SDK1: variants seen among roughly 807,000 people sequenced by gnomAD.
The protein encoded by SDK1 is sidekick cell adhesion molecule 1, also known as protein sidekick-1.
Under a neutral mutation model 245.5 loss-of-function variants are expected in SDK1, and 157 were observed. The observed-to-expected ratio is 0.64, with a 90% confidence interval of 0.56 to 0.73. SDK1 has a LOEUF of 0.73. SDK1 is among the 30% of genes least tolerant of loss of function. The pLI, the probability that SDK1 is intolerant of heterozygous loss-of-function variation, is 0.00. For missense variants in SDK1, 3,583 were observed against 3,002.3 expected (o/e 1.19, Z -4.52); for synonymous variants, 1,647 against 1,278.5 (o/e 1.29, Z -6.15).
chr7:3,325,601 T>G (rs1779921498), intron 1 of SDK1, among the ~76,000 whole-genome samples: 1 of 152,072 alleles, frequency 6.6e-6, no homozygotes, highest in South Asian at 2.1e-4. Flanking sequence ...AAGTAACCGT[T>G]TCCATCATAG....
chr7:3,761,485 C>T (rs184407511), intron 4 of SDK1, among the ~76,000 whole-genome samples: 1,866 of 149,476 alleles, frequency 0.012, 42 homozygotes, highest in African/African-American at 0.044. Flanking sequence ...ACCCGGGAGG[C>T]GGAGCTTGCA....
intron 4 of SDK1, among the ~76,000 whole-genome samples, chr7:3,743,337 T>G (rs1779529120): frequency 6.6e-6 from 1 of 152,216 alleles, no homozygotes; most frequent in African/African-American, 2.4e-5. Context: ...GGCGGTACAG[T>G]CTTGCTAAGT....
rs1366237329 is a variant in SDK1, at chr7:3,375,278, A to G, written c.298+73394A>G. On this transcript the variant is annotated intron_variant, in intron 1 of 44. Coordinates refer to ENST00000404826, the MANE Select transcript of SDK1 (RefSeq NM_152744.4). ...GTCACAAACTTATGCTAAAGCTGTAATTGTTAAATCAGTATAATACTGACC... is the reference window on the plus strand; with the variant it reads ...GTCACAAACTTATGCTAAAGCTGTAGTTGTTAAATCAGTATAATACTGACC... Among the ~76,000 whole-genome samples, 2 of 152,232 alleles carry G rather than the reference A, an allele frequency of 1.3e-5. 1 individual carries two copies. Among genetic ancestry groups the G allele is most frequent in the African/African-American group, 4.8e-5 (2 of 41,454 alleles).
chr7:3,610,929 G>A (rs1489216572), intron 1 of SDK1, among the ~76,000 whole-genome samples: 3 of 152,224 alleles, frequency 2.0e-5, no homozygotes, highest in Non-Finnish European at 4.4e-5. Context: ...TCCCACACTT[G>A]TTAGTCAGAT....
chr7:3,556,680 G>A (rs1779596502), intron 1 of SDK1, among the ~76,000 whole-genome samples: 1 of 152,062 alleles, frequency 6.6e-6, no homozygotes, highest in Non-Finnish European at 1.5e-5. Context: ...AATTAAGCCA[G>A]GTGTGGTGGT....
rs563181019 is a variant in SDK1 at position 3,334,030 on chromosome 7, A to G, written c.298+32146A>G. The stretch of plus-strand genomic sequence containing the variant: ...TACATCACACTTAGTTTCTCTCCCC[A>G]CTTAGTTCAGTTTCATTCTTAACCC... On this transcript the variant is annotated intron_variant, in intron 1 of 44. Coordinates refer to ENST00000404826, the MANE Select transcript of SDK1 (RefSeq NM_152744.4). Among the ~76,000 whole-genome samples, 330 of 152,094 alleles carry G rather than the reference A, an allele frequency of 2.2e-3. 2 individuals are homozygous for G. Among genetic ancestry groups the G allele is most frequent in the African/African-American group, 7.6e-3 (317 of 41,486 alleles).
chr7:3,669,031 A>G (rs1253201781), intron 4 of SDK1, among the ~76,000 whole-genome samples: 1 of 152,226 alleles, frequency 6.6e-6, no homozygotes, highest in Non-Finnish European at 1.5e-5. Context: ...GGGCTCAAGA[A>G]GTTTACCACT....
At chr7:3,862,675 C>T (rs943180238) in intron 5 of SDK1, among the ~76,000 whole-genome samples, 2 of 152,146 alleles carry the variant, frequency 1.3e-5, no homozygotes, top group African/African-American at 4.8e-5. Flanking sequence ...TTTAATACGT[C>T]AGGCTTTTTC....
chr7:3,478,903 A>T (rs1305221732), intron 1 of SDK1, among the ~76,000 whole-genome samples: 1 of 151,998 alleles, frequency 6.6e-6, no homozygotes, highest in Non-Finnish European at 1.5e-5. Context: ...TTTCATGTAT[A>T]CTTTAGCTTT....
At chr7:3,645,705 C>T (rs1782813571) in intron 4 of SDK1, among the ~76,000 whole-genome samples, 1 of 152,158 alleles carries the variant, frequency 6.6e-6, no homozygotes, top group Admixed American at 6.5e-5. Flanking sequence ...GGGAGGGTAT[C>T]TCTGCATTCC....
At chr7:4,067,980 C>G (rs1034362717) in intron 20 of SDK1, 44 bp downstream of exon 20, 4 of 1,442,160 alleles carry the variant, frequency 2.8e-6, no homozygotes, top group African/African-American at 1.4e-5. Flanking sequence ...TAAGTTTGTC[C>G]TCACAAAAAG....
Position 3,476,615 on chromosome 7 carries a change from T to A in SDK1, c.299-142465T>A, listed in dbSNP as rs575794786. On this transcript the variant is annotated intron_variant, in intron 1 of 44. Coordinates refer to ENST00000404826, the MANE Select transcript of SDK1 (RefSeq NM_152744.4). ...TACCTATGCCATTGTTTTTTGATTC[T>A]GTTAATGGTGGATTTATTTTATATG... Among the ~76,000 whole-genome samples, 55 of 152,382 alleles carry A rather than the reference T, an allele frequency of 3.6e-4. No homozygotes were observed. In the South Asian group the frequency reaches 0.01, roughly 28 times the overall value.
intron 1 of SDK1, among the ~76,000 whole-genome samples, chr7:3,344,103 G>C (rs1020925277): frequency 1.3e-5 from 2 of 150,996 alleles, no homozygotes; most frequent in African/African-American, 2.4e-5. Flanking sequence ...GGAATATTTT[G>C]TACCAAAGCC....
At chr7:4,131,098 G>A (rs686162) in intron 27 of SDK1, among the ~76,000 whole-genome samples, 120,205 of 152,174 alleles carry the variant, frequency 0.79, 47,775 homozygotes, top group East Asian at 0.9. Flanking sequence ...GGGAATGTGG[G>A]TGTTGTTTCC....
At chr7:4,112,911 G>T (rs577979800) in intron 23 of SDK1, among the ~76,000 whole-genome samples, 1 of 152,006 alleles carries the variant, frequency 6.6e-6, no homozygotes, top group South Asian at 2.1e-4. Context: ...CCGCCACCAC[G>T]CCTGGCTAAT....
At chr7:4,006,717 TAAAG>T (rs1394412233) in intron 14 of SDK1, among the ~76,000 whole-genome samples, 1 of 152,290 alleles carries the variant, frequency 6.6e-6, no homozygotes, top group East Asian at 1.9e-4. Flanking sequence ...GGAAAAAGAA[TAAAG>T]AAAGAATTCC....
In SDK1 at chr7:3,559,310, T is replaced by G. The variant is rs181675017; in HGVS notation, c.299-59770T>G. Among the ~76,000 whole-genome samples the G allele has an allele frequency of 2.5e-3, 378 of 152,322 alleles. 3 individuals are homozygous for G. The highest frequency in any genetic ancestry group is 0.018 in the South Asian group (86 of 4,826). On this transcript the variant is annotated intron_variant, in intron 1 of 44. Transcript: ENST00000404826. ...CCTCATTTTGAACAGTTCTGCTGTTTCCTTTGTGAAATGGTAGTTGGAAGT... is the reference window on the plus strand; with the variant it reads ...CCTCATTTTGAACAGTTCTGCTGTTGCCTTTGTGAAATGGTAGTTGGAAGT...
chr7:4,141,468 C>G (rs557657007), intron 28 of SDK1, among the ~76,000 whole-genome samples: 1 of 152,188 alleles, frequency 6.6e-6, no homozygotes, highest in Non-Finnish European at 1.5e-5. Context: ...ATAATGAAAA[C>G]ACGTCTGTAA....
intron 1 of SDK1, among the ~76,000 whole-genome samples, chr7:3,312,646 G>GA (rs1427480717): frequency 3.3e-5 from 5 of 151,952 alleles, no homozygotes; most frequent in Non-Finnish European, 7.4e-5. Context: ...AAACTGTATT[G>GA]AAAAATCAAT....
Sources: gnomAD v4.1 joint callset for allele counts (sites outside exome capture counted in the v4.1 genomes callset) on GRCh38, gnomAD v4.1.1 for gene constraint, MANE v1.5 for transcripts, NCBI Gene and HGNC (gene_info 2026-07-23, HGNC 2026-07-21) for gene names.